Variants in MSI2 observed in about 807,000 individuals in gnomAD.
The protein encoded by MSI2 is musashi RNA binding protein 2.
In MSI2, 17 loss-of-function variants were observed where a neutral mutation model predicts 45.6. That is an observed-to-expected ratio of 0.37 (90% confidence interval 0.26 to 0.56). The LOEUF is 0.56. Ranked by LOEUF, MSI2 falls within the 20% of genes least tolerant of loss-of-function variation. The pLI, the probability that MSI2 is intolerant of heterozygous loss-of-function variation, is 0.77. For missense variants in MSI2, 293 were observed against 444.2 expected (o/e 0.66, Z 3.06); for synonymous variants, 156 against 158.2 (o/e 0.99, Z 0.11).
chr17:57,559,103 T>G (rs2144233972), intron 7 of MSI2, among the ~76,000 whole-genome samples: 1 of 152,248 alleles, frequency 6.6e-6, no homozygotes, highest in East Asian at 1.9e-4. Flanking sequence ...TTTGACATCA[T>G]TTTAATTCAT....
At chr17:57,412,315 G>A (rs1244002606) in intron 6 of MSI2, among the ~76,000 whole-genome samples, 1 of 152,126 alleles carries the variant, frequency 6.6e-6, no homozygotes, top group Non-Finnish European at 1.5e-5. Context: ...TGGGATTACA[G>A]GTGTGAGCTA....
chr17:57,564,844 C>T (rs2087688354), intron 7 of MSI2, among the ~76,000 whole-genome samples: 1 of 152,226 alleles, frequency 6.6e-6, no homozygotes, highest in Admixed American at 6.5e-5. Flanking sequence ...TGTCTACTCA[C>T]TGGCACTTAC....
intron 6 of MSI2, among the ~76,000 whole-genome samples, chr17:57,527,026 T>A (rs761730951): frequency 1.3e-5 from 2 of 152,118 alleles, no homozygotes; most frequent in African/African-American, 4.8e-5. Flanking sequence ...GAGAGCCAAT[T>A]ATGCACTGTT....
chr17:57,367,922 G>A (rs1917321233), intron 5 of MSI2, among the ~76,000 whole-genome samples: 1 of 152,110 alleles, frequency 6.6e-6, no homozygotes, highest in African/African-American at 2.4e-5. Context: ...TTCCAGTGAT[G>A]GGGAGCCACA....
In MSI2 at chr17:57,374,652, G is replaced by A. The variant is rs191150793; in HGVS notation, c.313-26727G>A. Among the ~76,000 whole-genome samples, 128 of 152,216 alleles carry A rather than the reference G, an allele frequency of 8.4e-4. No homozygotes were observed. The South Asian group carries it at 0.014, about 16-fold the overall frequency. Reference sequence around the variant, plus strand: ...AATTAGCTGGGCATGGTGGTGCAGCGCCTGTAATCCCAGCTACTCGGGAGG... The same window carrying A: ...AATTAGCTGGGCATGGTGGTGCAGCACCTGTAATCCCAGCTACTCGGGAGG... On this transcript the variant is annotated intron_variant, in intron 5 of 13. Transcript: ENST00000284073.
chr17:57,303,825 T>G (rs1911626045), intron 5 of MSI2, among the ~76,000 whole-genome samples: 1 of 152,122 alleles, frequency 6.6e-6, no homozygotes, highest in Non-Finnish European at 1.5e-5. Flanking sequence ...AGTAGCGTAA[T>G]GGGCCGTCAC....
intron 9 of MSI2, among the ~76,000 whole-genome samples, chr17:57,624,949 G>C (rs1005984311): frequency 6.6e-6 from 1 of 152,194 alleles, no homozygotes; most frequent in Non-Finnish European, 1.5e-5. Context: ...CACAGTTCTG[G>C]AGGCTGGGAA....
intron 6 of MSI2, among the ~76,000 whole-genome samples, chr17:57,457,448 T>C (rs1199567910): frequency 6.6e-6 from 1 of 152,230 alleles, no homozygotes; most frequent in Non-Finnish European, 1.5e-5. Flanking sequence ...TAAGAGCTGG[T>C]TAAGGTAGGT....
chr17:57,460,749 G>A (rs565621317), intron 6 of MSI2, among the ~76,000 whole-genome samples: 87 of 152,288 alleles, frequency 5.7e-4, no homozygotes, highest in Non-Finnish European at 1.1e-3. Context: ...CATAGGCAGG[G>A]GAGCTGTGGC....
At chr17:57,491,664 A>C (rs796531513) in intron 6 of MSI2, among the ~76,000 whole-genome samples, 1 of 152,282 alleles carries the variant, frequency 6.6e-6, no homozygotes, top group African/African-American at 2.4e-5. Context: ...TGGGGTAGAG[A>C]CCAATGGCTG....
At chr17:57,493,469 T>A (rs2085916078) in intron 6 of MSI2, among the ~76,000 whole-genome samples, 1 of 152,108 alleles carries the variant, frequency 6.6e-6, no homozygotes, top group African/African-American at 2.4e-5. Context: ...GCTGGCCATT[T>A]TGGTCCCAGT....
At chr17:57,455,610 C>T (rs1023380826) in intron 6 of MSI2, among the ~76,000 whole-genome samples, 3 of 152,164 alleles carry the variant, frequency 2.0e-5, no homozygotes, top group Admixed American at 6.5e-5. Flanking sequence ...TTGTGTATAG[C>T]GAGTCCAAAA....
intron 5 of MSI2, among the ~76,000 whole-genome samples, chr17:57,281,379 G>A (rs1042115285): frequency 6.6e-6 from 1 of 152,222 alleles, no homozygotes; most frequent in African/African-American, 2.4e-5. Context: ...CTCTCTGGTG[G>A]ATTGATAATC....
At chr17:57,274,999 G>T (rs2143314656) in intron 5 of MSI2, among the ~76,000 whole-genome samples, 1 of 152,288 alleles carries the variant, frequency 6.6e-6, no homozygotes, top group Non-Finnish European at 1.5e-5. Flanking sequence ...AACAACAAAA[G>T]AAAAATTTTA....
chr17:57,513,295 C>T (rs1210160294), intron 6 of MSI2, among the ~76,000 whole-genome samples: 1 of 152,092 alleles, frequency 6.6e-6, no homozygotes, highest in African/African-American at 2.4e-5. Context: ...TCTTAATGCT[C>T]ATAACAGCAC....
In MSI2 at chr17:57,652,228, C is replaced by G. The variant is rs1911210439; in HGVS notation, c.790+67C>G. 1.4e-6 allele frequency: 2 copies of G among 1,439,722 alleles called. No homozygotes were observed. Among genetic ancestry groups the G allele is most frequent in the Middle Eastern group, 1.8e-4 (1 of 5,602 alleles). The allele number at this position is 1,439,722 out of a possible 1,614,324, so 89.2% of individuals were successfully genotyped here. On this transcript the variant is annotated intron_variant, in intron 11 of 13. Coordinates refer to ENST00000284073, the MANE Select transcript of MSI2 (RefSeq NM_138962.4). This position sits in a 1 kb window ranked among gnomAD's most constrained non-coding sequence, Gnocchi z 4.1. ...CAGTGTGCAGGGGGAGGTCAAGGCC[C>G]TGTCGGATCTGTGTGGCTGCATCTG...
At chr17:57,384,654 C>A (rs750199908) in intron 5 of MSI2, among the ~76,000 whole-genome samples, 1 of 152,214 alleles carries the variant, frequency 6.6e-6, no homozygotes, top group Non-Finnish European at 1.5e-5. Context: ...TCTTCCTCCT[C>A]CCCTAGTTCA....
intron 4 of MSI2, 74 bp downstream of exon 4, chr17:57,258,428 G>A: frequency 8.3e-7 from 1 of 1,205,532 alleles, no homozygotes; most frequent in South Asian, 1.2e-5. Flanking sequence ...CATTTAAAGG[G>A]ACAGTGCCTT....
chr17:57,528,415 G>A (rs903004907), intron 6 of MSI2, among the ~76,000 whole-genome samples: 6 of 152,176 alleles, frequency 3.9e-5, no homozygotes, highest in East Asian at 1.9e-4. Context: ...TACAGGATGC[G>A]TGGGAGGGGT....
Sources: allele counts gnomAD v4.1 joint callset (sites outside exome capture counted in the v4.1 genomes callset), GRCh38; gene constraint gnomAD v4.1.1; non-coding constraint Gnocchi (gnomAD v3.1); transcripts MANE v1.5; gene names NCBI Gene and HGNC (gene_info 2026-07-23, HGNC 2026-07-21).